Variants in PTK2B observed in about 807,000 individuals in gnomAD.
The protein encoded by PTK2B is protein tyrosine kinase 2 beta.
A neutral mutation model predicts 142.9 loss-of-function variants in PTK2B; 71 were observed. That is an observed-to-expected ratio of 0.50 (90% CI 0.41 to 0.61). The LOEUF (loss-of-function observed/expected upper bound fraction) is 0.61. Ranked by LOEUF, PTK2B falls within the 20% of genes least tolerant of loss-of-function variation. PTK2B has a pLI of 0.00. For synonymous variants in PTK2B, 519 were observed against 503.4 expected (o/e 1.03, Z -0.42); for missense variants, 1,105 against 1,320.4 (o/e 0.84, Z 2.53).
intron 1 of PTK2B, chr8:27,396,438 T>G (rs1329840942): frequency 6.6e-6 from 1 of 152,196 alleles, no homozygotes; most frequent in Non-Finnish European, 1.5e-5. Context: ...AAGAAGGGGT[T>G]TCAGGATAAG....
In PTK2B at chr8:27,392,890, G is replaced by C. The variant is rs972251412; in HGVS notation, c.-37-4658G>C. 5.9e-5 allele frequency among the ~76,000 whole-genome samples: 9 copies of C among 152,172 alleles called. 1 individual carries two copies. On this transcript the variant is annotated intron_variant, in intron 1 of 30. Transcript: ENST00000346049. Reference sequence around the variant, plus strand: ...AAACCTATATTCTAGTGTTGAGTCCGTCTAGGACCTCTCAAGACAAAGTCC... The same window carrying C: ...AAACCTATATTCTAGTGTTGAGTCCCTCTAGGACCTCTCAAGACAAAGTCC...
intron 23 of PTK2B, among the ~76,000 whole-genome samples, chr8:27,445,374 C>T (rs1425810382): frequency 1.3e-5 from 2 of 152,176 alleles, no homozygotes; most frequent in Admixed American, 1.3e-4. Flanking sequence ...GATCATACCA[C>T]TGCATCCCAG....
chr8:27,409,572 C>G (rs973894385), intron 2 of PTK2B, among the ~76,000 whole-genome samples: 1 of 152,150 alleles, frequency 6.6e-6, no homozygotes, highest in African/African-American at 2.4e-5. Context: ...GAAAAAAACC[C>G]AAAGGGAGAT....
chr8:27,418,710 A>C (rs1211832824), intron 2 of PTK2B, among the ~76,000 whole-genome samples: 1 of 152,172 alleles, frequency 6.6e-6, no homozygotes, highest in Admixed American at 6.5e-5. Context: ...CAATATGTGG[A>C]ACTACATGAG....
At chr8:27,412,160 C>T (rs929373649) in intron 2 of PTK2B, among the ~76,000 whole-genome samples, 8 of 124,890 alleles carry the variant, frequency 6.4e-5, no homozygotes, top group East Asian at 2.2e-4. Context: ...ATACAGGCAT[C>T]GTTGATTGAT....
At chr8:27,426,110 AC>A (rs1383938670) in intron 5 of PTK2B, among the ~76,000 whole-genome samples, 31 of 152,314 alleles carry the variant, frequency 2.0e-4, no homozygotes, top group African/African-American at 7.5e-4. Context: ...AGAATACGTA[AC>A]CCCAGATTAG....
chr8:27,312,251 A>T (rs1802993346), intron 1 of PTK2B: 1 of 152,208 alleles, frequency 6.6e-6, no homozygotes, highest in South Asian at 2.1e-4. Flanking sequence ...ATGTTCCTGC[A>T]TGTCTTGAGA....
At chr8:27,454,316 G>A (rs77558467) in intron 29 of PTK2B, 25 bp downstream of exon 29, 1 of 1,603,894 alleles carries the variant, frequency 6.2e-7, no homozygotes, top group African/African-American at 1.3e-5. Flanking sequence ...GGGTTGGGGA[G>A]GTGGAGGCGG....
chr8:27,457,777 C>G (rs1812224568), intron 30 of PTK2B, among the ~76,000 whole-genome samples: 1 of 152,100 alleles, frequency 6.6e-6, no homozygotes, highest in African/African-American at 2.4e-5. Flanking sequence ...GAGTTCAAGA[C>G]CAGCCTGGCC....
chr8:27,358,483 A>G (rs906573912), intron 1 of PTK2B, among the ~76,000 whole-genome samples: 1 of 152,102 alleles, frequency 6.6e-6, no homozygotes, highest in Non-Finnish European at 1.5e-5. Context: ...TTATATATCA[A>G]TATCAACTTT....
intron 2 of PTK2B, among the ~76,000 whole-genome samples, chr8:27,405,745 G>A (rs1808673691): frequency 6.6e-6 from 1 of 152,162 alleles, no homozygotes; most frequent in Non-Finnish European, 1.5e-5. Flanking sequence ...AGGTGCCTGG[G>A]CTTTCATTTC....
At chr8:27,311,064 G>C, upstream of PTK2B, 5 of 1,596,994 alleles carry the variant, frequency 3.1e-6, no homozygotes, top group Non-Finnish European at 4.3e-6. Flanking sequence ...TTGCACACTG[G>C]GCAGGTGGGC....
chr8:27,439,046 G>T lies in PTK2B; in HGVS notation c.1659G>T (p.Arg553=). ...INCVHRDIAV[R]NILVASPECV... ...CTTCTTCCAGGGACATTGCTGTCCG[G>T]AACATCCTGGTGGCCTCCCCTGAGT... The change falls in exon 19 of 31, where the codon CGG becomes CGT. Residue 553 remains arginine (R), a synonymous_variant. Transcript: ENST00000346049. 1 of 1,614,048 alleles carries T rather than the reference G, an allele frequency of 6.2e-7. No individual in the cohort carries two copies. The highest frequency in any genetic ancestry group is 1.1e-5 in the South Asian group (1 of 91,076).
chr8:27,322,078 C>T (rs1803230910), upstream of PTK2B, among the ~76,000 whole-genome samples: 1 of 151,986 alleles, frequency 6.6e-6, no homozygotes, highest in Non-Finnish European at 1.5e-5. Flanking sequence ...TAACCTCTGC[C>T]TCCCAGGTTC....
intron 1 of PTK2B, among the ~76,000 whole-genome samples, chr8:27,393,429 G>A (rs1225950018): frequency 1.3e-5 from 2 of 152,156 alleles, no homozygotes; most frequent in Non-Finnish European, 2.9e-5. Flanking sequence ...GGTGACTGCA[G>A]TTAGTGGCTC....
intron 1 of PTK2B, among the ~76,000 whole-genome samples, chr8:27,369,983 G>C: frequency 6.6e-6 from 1 of 152,086 alleles, no homozygotes; most frequent in East Asian, 1.9e-4. Flanking sequence ...TCTCAAAAAA[G>C]AAAGAAAGAA....
intron 1 of PTK2B, among the ~76,000 whole-genome samples, chr8:27,330,787 A>G (rs191087029): frequency 6.6e-6 from 1 of 152,318 alleles, no homozygotes; most frequent in Non-Finnish European, 1.5e-5. Context: ...GTGTGAATGC[A>G]GAGTTTAATT....
intron 1 of PTK2B, among the ~76,000 whole-genome samples, chr8:27,362,382 C>G (rs962692936): frequency 1.3e-5 from 2 of 152,168 alleles, no homozygotes; most frequent in Admixed American, 1.3e-4. Flanking sequence ...GTTAGCACCC[C>G]CACACTGTGG....
At chr8:27,370,328 C>G (rs958327022) in intron 1 of PTK2B, among the ~76,000 whole-genome samples, 1 of 152,152 alleles carries the variant, frequency 6.6e-6, no homozygotes, top group Non-Finnish European at 1.5e-5. Context: ...TTCCGGATAC[C>G]AGAGGGTGGG....
Sources: allele counts gnomAD v4.1 joint callset (sites outside exome capture counted in the v4.1 genomes callset), GRCh38; gene constraint gnomAD v4.1.1; transcripts MANE v1.5; gene names NCBI Gene and HGNC (gene_info 2026-07-23, HGNC 2026-07-21).